Variants in TTC6 observed in about 807,000 individuals in gnomAD.
TTC6 encodes the protein tetratricopeptide repeat protein 6.
TTC6 carries 172 observed loss-of-function variants against 210.4 expected under a neutral mutation model. The ratio of observed to expected loss-of-function variants is 0.82; its 90% CI spans 0.72 to 0.93. TTC6 has a LOEUF of 0.93. Ranked by LOEUF, TTC6 falls within the 40% of genes least tolerant of loss-of-function variation. The pLI, the probability that TTC6 is intolerant of heterozygous loss-of-function variation, is 0.00. For synonymous variants in TTC6, 804 were observed against 819.6 expected, an observed-to-expected ratio of 0.98 and a Z score of 0.32; for missense variants, 2,414 against 2,318.1, an observed-to-expected ratio of 1.04 and a Z score of -0.85.
intron 16 of TTC6, 112 bp from the exon 19 acceptor site, chr14:37,792,152 A>G: frequency 2.4e-6 from 2 of 847,430 alleles, no homozygotes; most frequent in Non-Finnish European, 3.4e-6. Flanking sequence ...AACATTAAAA[A>G]ATACTCTGAT....
chr14:37,754,969 T>G (rs554131958), intron 14 of TTC6, among the ~76,000 whole-genome samples: 7 of 152,310 alleles, frequency 4.6e-5, no homozygotes, highest in African/African-American at 1.7e-4. Context: ...TCTAGATCCT[T>G]GAGGAATTGC....
intron 1 of TTC6, among the ~76,000 whole-genome samples, chr14:37,639,071 T>C (rs1238077804): frequency 1.3e-5 from 2 of 152,214 alleles, no homozygotes; most frequent in Non-Finnish European, 2.9e-5. Flanking sequence ...AACTAACTTT[T>C]TGGTACATAT....
intron 1 of TTC6, among the ~76,000 whole-genome samples, chr14:37,626,756 A>G (rs887917792): frequency 6.6e-6 from 1 of 152,202 alleles, no homozygotes; most frequent in African/African-American, 2.4e-5. Context: ...AAAATCTGCA[A>G]CAAAAGCCTG....
exon 24 of TTC6, chr14:37,808,806 A>T (rs763396324): frequency 6.5e-7 from 1 of 1,535,164 alleles, no homozygotes; most frequent in Admixed American, 2.3e-5. Flanking sequence ...GCATTTTATA[A>T]CAGAGCATTA....
In TTC6 at chr14:37,666,793, G is replaced by A. The variant is rs528904534; in HGVS notation, c.940-13358G>A. The stretch of plus-strand genomic sequence containing the variant: ...CCTGGTAAGGTCCACAGCAATTCAG[G>A]GCTCTCAGGGTTCCAAAGTTACACT... On this transcript the variant is annotated intron_variant, in intron 1 of 30. Transcript: ENST00000553443. Among the ~76,000 whole-genome samples the A allele has an allele frequency of 1.1e-4, 17 of 150,222 alleles. 1 individual carries two copies. In the South Asian group the frequency reaches 3.4e-3, roughly 30 times the overall value.
rs761466631 is a variant in TTC6 at position 37,751,155 on chromosome 14, A to G, written c.3059A>G (p.Asp1020Gly). ...ATTAAATCCACGCCCACAGATGCTG[A>G]TATCTATTTCAGGAGGGGTGAGATG... The change falls in exon 13 of 31, where the codon GAT becomes GGT. Residue 1020 changes from aspartate (D) to glycine (G), a missense_variant. Physicochemically the swap from Asp to Gly is moderately conservative, Grantham distance 94 (BLOSUM62 -1). Transcript: ENST00000553443. 2.9e-5 allele frequency: 45 copies of G among 1,532,634 alleles called. 2 individuals are homozygous for G. In the South Asian group the frequency reaches 4.1e-4, roughly 14 times the overall value. The allele number at this position is 1,532,634 out of a possible 1,614,324, so 94.9% of individuals were successfully genotyped here.
chr14:37,717,361 G>T (rs1368955673), intron 6 of TTC6, among the ~76,000 whole-genome samples: 1 of 152,176 alleles, frequency 6.6e-6, no homozygotes, highest in Non-Finnish European at 1.5e-5. Context: ...TAAATGAAAT[G>T]AGATGTTACT....
chr14:37,794,584 A>G (rs1342885270), intron 17 of TTC6, among the ~76,000 whole-genome samples: 2 of 150,822 alleles, frequency 1.3e-5, no homozygotes, highest in African/African-American at 2.5e-5. Context: ...TTACATATTG[A>G]TGGTAAGCAG....
At position 37,704,770 on chromosome 14, in the gene TTC6, G is replaced by A. The variant is rs377417431; in HGVS notation, c.1571+3244G>A. ...TAGTCTTGATGCTAATCTTAGAAAG[G>A]GTGTTTATACGTTTACATTTTAATG... is the stretch of plus-strand genomic sequence containing the variant. On this transcript the variant is annotated intron_variant, in intron 5 of 30. Coordinates refer to ENST00000553443, the Ensembl canonical transcript of TTC6. Among the ~76,000 whole-genome samples, 50 of 151,784 alleles carry A rather than the reference G, an allele frequency of 3.3e-4. No homozygotes were observed. In the East Asian group the frequency reaches 4.8e-3, roughly 15 times the overall value.
chr14:37,633,728 A>G (rs2095674639), intron 1 of TTC6, among the ~76,000 whole-genome samples: 2 of 152,066 alleles, frequency 1.3e-5, no homozygotes, highest in South Asian at 4.2e-4. Flanking sequence ...TAAAGAGGCC[A>G]CTCGCTCCCT....
At chr14:37,781,852 C>T (rs2096055733) in intron 14 of TTC6, among the ~76,000 whole-genome samples, 1 of 152,142 alleles carries the variant, frequency 6.6e-6, no homozygotes, top group Non-Finnish European at 1.5e-5. Context: ...TATGGCTAGC[C>T]AGTTTTCCCA....
At chr14:37,701,636 G>A in intron 5 of TTC6, 110 bp downstream of exon 7, 1 of 1,043,898 alleles carries the variant, frequency 9.6e-7, no homozygotes, top group South Asian at 2.1e-5. Flanking sequence ...GGACACTAAA[G>A]AGGAGGGAGC....
At chr14:37,823,303 G>T (rs756615104) in intron 26 of TTC6, among the ~76,000 whole-genome samples, 13 of 152,134 alleles carry the variant, frequency 8.5e-5, no homozygotes, top group Admixed American at 5.2e-4. Flanking sequence ...GGACTCCCAT[G>T]TGATGAAAAT....
chr14:37,739,077 G>C, exon 10 of TTC6: 4 of 1,533,226 alleles, frequency 2.6e-6, no homozygotes, highest in Non-Finnish European at 3.5e-6. Flanking sequence ...AAGAAGATGA[G>C]ATGGAAGAAA....
At chr14:37,797,049 T>G in intron 20 of TTC6, 102 bp downstream of exon 22, 2 of 1,100,906 alleles carry the variant, frequency 1.8e-6, no homozygotes, top group Non-Finnish European at 2.4e-6. Flanking sequence ...TAAGTCATAC[T>G]ATTTATTTTC....
At chr14:37,807,509 T>C in intron 23 of TTC6, 49 bp downstream of exon 25, 2 of 1,417,050 alleles carry the variant, frequency 1.4e-6, no homozygotes, top group Non-Finnish European at 9.4e-7. Flanking sequence ...GTGGGCAGAT[T>C]CTCTTATGCT....
intron 7 of TTC6, among the ~76,000 whole-genome samples, chr14:37,728,546 C>T (rs997569307): frequency 1.3e-5 from 2 of 152,104 alleles, no homozygotes; most frequent in East Asian, 3.9e-4. Flanking sequence ...TTGGCCTATT[C>T]AGTGCTTGAA....
At chr14:37,724,766 C>T (rs2095868353) in intron 6 of TTC6, 132 bp from the exon 9 acceptor site, 1 of 491,058 alleles carries the variant, frequency 2.0e-6, no homozygotes, top group Admixed American at 3.7e-5. Flanking sequence ...TAAAAAAATT[C>T]TTATCCATAT....
At chr14:37,607,583 A>T (rs564672925) in intron 2 of TTC6, among the ~76,000 whole-genome samples, 6 of 152,098 alleles carry the variant, frequency 3.9e-5, no homozygotes, top group African/African-American at 1.2e-4. Context: ...ATGAAAGTAG[A>T]ATTTCTGGGT....
Sources: gnomAD v4.1 joint callset for allele counts (sites outside exome capture counted in the v4.1 genomes callset) on GRCh38, gnomAD v4.1.1 for gene constraint, MANE v1.5 for transcripts, NCBI Gene and HGNC (gene_info 2026-07-23, HGNC 2026-07-21) for gene names.